The following ZC3H18 variants were observed in gnomAD, a reference collection of about 807,000 sequenced individuals.
ZC3H18 encodes zinc finger CCCH-type containing 18.
Under a neutral mutation model 106.1 loss-of-function variants are expected in ZC3H18, and 8 were observed. The observed-to-expected ratio is 0.08, with a 90% confidence interval of 0.04 to 0.14. The LOEUF is 0.14. ZC3H18 is among the 10% of genes least tolerant of loss of function. The pLI is 1.00. For missense variants in ZC3H18, 1,318 were observed against 1,278.4 expected (o/e 1.03, Z -0.47); for synonymous variants, 635 against 522.1 (o/e 1.22, Z -2.95).
At chr16:88,606,959 A>G (rs1478385645) in intron 6 of ZC3H18, among the ~76,000 whole-genome samples, 1 of 152,130 alleles carries the variant, frequency 6.6e-6, no homozygotes, top group Admixed American at 6.5e-5. Flanking sequence ...CTTGTGGCTG[A>G]GACATACCCT....
In ZC3H18 at chr16:88,577,199, G is replaced by C. The variant is rs1914806905; in HGVS notation, c.76G>C (p.Asp26His). 6.2e-7 allele frequency: 1 copy of C among 1,612,070 alleles called. No individual in the cohort carries two copies. Among genetic ancestry groups the C allele is most frequent in the Non-Finnish European group, 8.5e-7 (1 of 1,178,892 alleles). Reference sequence around the variant, plus strand: ...AGAGCAGCCACAGGGACTCTCGGACGATGACATTCTGAGGGACAGCGGGTC... The same window carrying C: ...AGAGCAGCCACAGGGACTCTCGGACCATGACATTCTGAGGGACAGCGGGTC... The part of the protein sequence containing the change: ...DEEQPQGLSD[D>H]DILRDSGSDQ... The change falls in exon 2 of 18, where the codon GAT (aspartate) becomes CAT (histidine). Residue 26 changes from aspartate to histidine, a missense_variant. By Grantham distance (81) the Asp-to-His change is moderately conservative (BLOSUM62 -1). Around this residue, in one of 6 missense-constraint regions of ZC3H18, gnomAD observed 346 missense variants for 269.0 expected, o/e 1.29. Transcript: ENST00000301011.
intron 6 of ZC3H18, among the ~76,000 whole-genome samples, chr16:88,607,325 CTT>C (rs1196762851): frequency 2.0e-5 from 3 of 152,178 alleles, no homozygotes; most frequent in South Asian, 4.1e-4. Context: ...TCTGGCGTGT[CTT>C]TTCATTTCCA....
rs748599277 is a variant in ZC3H18 at position 88,611,330 on chromosome 16, G to A, written c.1269G>A (p.Arg423=). 5 of 770,812 alleles carry A rather than the reference G, an allele frequency of 6.5e-6. No individual in the cohort carries two copies. The South Asian group carries it at 7.2e-5, about 11-fold the overall frequency. 47.7% of individuals were successfully genotyped at this position (770,812 alleles called of 1,614,324 possible). A position where few individuals can be genotyped will look rare whatever the true frequency, so the allele number is the denominator to read the frequency against. ...GCGAGCGCGAGCGGGAGCGGGAGCG[G>A]GACCGAGAGCGGGAGCGCCGGCAGA... ...RQRERERERE[R]DRERERRQRE... Residue 423 remains arginine, a synonymous_variant, in exon 8 of 18, where the codon CGG becomes CGA. Coordinates refer to ENST00000301011, the MANE Select transcript of ZC3H18 (RefSeq NM_144604.4).
chr16:88,571,734 G>A (rs1914419747), intron 1 of ZC3H18: 2 of 959,282 alleles, frequency 2.1e-6, no homozygotes, highest in Non-Finnish European at 1.2e-6. Flanking sequence ...CAGCTACAGA[G>A]CATCTCAAGG....
intron 12 of ZC3H18, among the ~76,000 whole-genome samples, 181 bp downstream of exon 12, chr16:88,624,926 G>C (rs1018787373): frequency 1.3e-5 from 2 of 152,218 alleles, no homozygotes; most frequent in Non-Finnish European, 2.9e-5. Flanking sequence ...CCCTGAGCCT[G>C]TGTTTCTGGA....
intron 11 of ZC3H18, 148 bp downstream of exon 11, chr16:88,624,210 G>T: frequency 9.2e-7 from 1 of 1,087,364 alleles, no homozygotes; most frequent in East Asian, 2.5e-5. Flanking sequence ...ACTGGGCTGG[G>T]AGGCACTGGG....
At chr16:88,587,915 G>C (rs1448386068) in intron 3 of ZC3H18, among the ~76,000 whole-genome samples, 1 of 152,218 alleles carries the variant, frequency 6.6e-6, no homozygotes, top group African/African-American at 2.4e-5. Flanking sequence ...GGGCTCATGG[G>C]AACCCCGGGT....
chr16:88,592,632 G>A (rs1335054310), intron 3 of ZC3H18, among the ~76,000 whole-genome samples: 2 of 152,068 alleles, frequency 1.3e-5, no homozygotes, highest in African/African-American at 4.8e-5. Context: ...ATGCCACCAT[G>A]CCTGGCTAAT....
intron 8 of ZC3H18, among the ~76,000 whole-genome samples, chr16:88,621,980 A>G (rs1905993465): frequency 6.6e-6 from 1 of 152,198 alleles, no homozygotes; most frequent in African/African-American, 2.4e-5. Flanking sequence ...TGTTCCCCTG[A>G]GTAACAGACA....
At position 88,625,258 on chromosome 16, in the gene ZC3H18, C is replaced by G; in HGVS notation, c.2099C>G (p.Ser700Cys). 6.3e-7 allele frequency: 1 copy of G among 1,590,704 alleles called. No individual in the cohort carries two copies. The highest frequency in any genetic ancestry group is 1.7e-4 in the Middle Eastern group (1 of 6,026). The change falls in exon 13 of 18, where the codon TCC becomes TGC. Residue 700 changes from serine (S) to cysteine (C), a missense_variant. Physicochemically the swap from Ser to Cys is moderately radical, Grantham distance 112 (BLOSUM62 -1). Around this residue, in one of 6 missense-constraint regions of ZC3H18, gnomAD observed 848 missense variants for 821.7 expected, o/e 1.03. Coordinates refer to ENST00000301011, the MANE Select transcript of ZC3H18 (RefSeq NM_144604.4). ...GSGSSYSGSSSRSRSLSVSSV... is the reference protein window; with the variant it reads ...GSGSSYSGSSCRSRSLSVSSV... Reference sequence around the variant, plus strand: ...GGTAGCAGCTATAGTGGTTCCAGCTCCCGATCCAGGTCATCCCCATCACCC... The same window carrying G: ...GGTAGCAGCTATAGTGGTTCCAGCTGCCGATCCAGGTCATCCCCATCACCC...
rs1191775965 is a variant in ZC3H18, at chr16:88,619,824, C to A, written c.1476-2373C>A. Among the ~76,000 whole-genome samples the A allele has an allele frequency of 2.6e-5, 4 of 152,212 alleles. No individual in the cohort carries two copies. In the East Asian group the frequency reaches 7.7e-4, roughly 29 times the overall value. On this transcript the variant is annotated intron_variant, in intron 8 of 17. Coordinates refer to ENST00000301011, the MANE Select transcript of ZC3H18 (RefSeq NM_144604.4). ...CTCTCCCTGTGTTGGAAGGGCCGCGCTGTCCCTGTGACTTATTGGTGCTCC... is the reference window on the plus strand; with the variant it reads ...CTCTCCCTGTGTTGGAAGGGCCGCGATGTCCCTGTGACTTATTGGTGCTCC...
At chr16:88,592,986 A>G (rs560113280) in intron 3 of ZC3H18, among the ~76,000 whole-genome samples, 1 of 152,380 alleles carries the variant, frequency 6.6e-6, no homozygotes, top group East Asian at 1.9e-4. Context: ...CCATGATTAT[A>G]TAAGCATATC....
At chr16:88,596,003 C>G (rs1012285286) in intron 3 of ZC3H18, among the ~76,000 whole-genome samples, 1 of 152,166 alleles carries the variant, frequency 6.6e-6, no homozygotes. Context: ...CCCAGCTAGA[C>G]GTGCAGACCA....
intron 3 of ZC3H18, among the ~76,000 whole-genome samples, chr16:88,591,346 G>A (rs1233685754): frequency 6.6e-6 from 1 of 152,146 alleles, no homozygotes; most frequent in African/African-American, 2.4e-5. Context: ...GCCGAGGTGG[G>A]TGGATCACTC....
intron 8 of ZC3H18, among the ~76,000 whole-genome samples, chr16:88,613,088 C>G (rs947358236): frequency 6.6e-5 from 10 of 152,232 alleles, no homozygotes; most frequent in African/African-American, 2.4e-4. Context: ...CTTTGTGTCT[C>G]TAGGTATCTG....
intron 2 of ZC3H18, among the ~76,000 whole-genome samples, chr16:88,582,994 G>C (rs1233514524): frequency 6.6e-6 from 1 of 152,220 alleles, no homozygotes; most frequent in Admixed American, 6.5e-5. Context: ...GTTAAGGAAT[G>C]ATAGACCCGT....
In ZC3H18 at chr16:88,608,983, T is replaced by G; in HGVS notation, c.1138T>G (p.Trp380Gly). The change falls in exon 7 of 18, where the codon TGG becomes GGG. Residue 380 changes from tryptophan (W) to glycine (G), a missense_variant. Coordinates refer to ENST00000301011, the MANE Select transcript of ZC3H18 (RefSeq NM_144604.4). Reference protein sequence around the residue: ...PYYDYEIERFWRGGQYENFRV... With the variant: ...PYYDYEIERFGRGGQYENFRV... ...TTATGACTATGAAATTGAGCGGTTT[T>G]GGCGTGGCGGACAGTATGAGAATTT... The G allele has an allele frequency of 6.2e-7, 1 of 1,614,042 alleles. No homozygotes were observed. Among genetic ancestry groups the G allele is most frequent in the Non-Finnish European group, 8.5e-7 (1 of 1,179,938 alleles).
chr16:88,627,927 T>A lies in ZC3H18; in HGVS notation c.2277T>A (p.Ser759=), dbSNP rs766827482. The A allele has an allele frequency of 8.7e-6, 14 of 1,613,876 alleles. No homozygotes were observed. Among genetic ancestry groups the A allele is most frequent in the Non-Finnish European group, 1.2e-5 (14 of 1,180,042 alleles). ...PAQTRKEKGK[S]KKEDGVKEEK... is the part of the protein sequence containing the mutation. The stretch of plus-strand genomic sequence containing the variant: ...CGGATTTATCATTGGTAGGAAAATC[T>A]AAGAAAGAAGACGGTGTTAAAGAGG... The change falls in exon 15 of 18, where the codon TCT becomes TCA. Residue 759 remains serine (S), a synonymous_variant. Coordinates refer to ENST00000301011, the MANE Select transcript of ZC3H18 (RefSeq NM_144604.4). This position sits in a 1 kb window ranked among gnomAD's most constrained non-coding sequence, Gnocchi z 4.5.
chr16:88,580,559 C>T (rs951671233), intron 2 of ZC3H18, among the ~76,000 whole-genome samples: 4 of 152,142 alleles, frequency 2.6e-5, no homozygotes, highest in African/African-American at 9.7e-5. Context: ...TTCCTCCTCT[C>T]AGGCCCAGTT....
Sources: allele counts gnomAD v4.1 joint callset (sites outside exome capture counted in the v4.1 genomes callset), GRCh38; gene constraint gnomAD v4.1.1; regional missense constraint gnomAD v4.1.1; non-coding constraint Gnocchi (gnomAD v3.1); transcripts MANE v1.5; gene names NCBI Gene and HGNC (gene_info 2026-07-23, HGNC 2026-07-21).